Variants in MMP24 observed in about 807,000 individuals in gnomAD.
MMP24 encodes matrix metalloproteinase-24.
A neutral mutation model predicts 62.8 loss-of-function variants in MMP24; 25 were observed. The ratio of observed to expected loss-of-function variants is 0.40; its 90% CI spans 0.29 to 0.56. The LOEUF is 0.56. MMP24 is among the 20% of genes least tolerant of loss of function. The pLI is 0.50. For missense variants in MMP24, 634 were observed against 853.6 expected (o/e 0.74, Z 3.21); for synonymous variants, 319 against 350.5 (o/e 0.91, Z 1.00).
chr20:35,256,685 C>T (rs1014678927), intron 4 of MMP24, among the ~76,000 whole-genome samples: 2 of 144,516 alleles, frequency 1.4e-5, no homozygotes, highest in African/African-American at 5.2e-5. Flanking sequence ...TGCCACTGCA[C>T]TCCAGCCTGG....
At position 35,234,111 on chromosome 20, in the gene MMP24, C is replaced by T. The variant is rs1468955374; in HGVS notation, c.246+7127C>T. Among the ~76,000 whole-genome samples the T allele has an allele frequency of 2.6e-5, 4 of 152,072 alleles. No individual in the cohort carries two copies. In the South Asian group the frequency reaches 6.2e-4, roughly 24 times the overall value. ...GGTCACTAGACTCCAGTCACCCTGC[C>T]CTTCCCTCTCTTTTTCTAATATACA... On this transcript the variant is annotated intron_variant, in intron 1 of 8. Transcript: ENST00000246186.
In MMP24 at chr20:35,267,216, G is replaced by A. The variant is rs1191079969; in HGVS notation, c.991G>A (p.Glu331Lys). ...GIQKIYGPPA[E>K]PLEPTRPLPT... is the part of the protein sequence containing the mutation. ...GCTCCTCTCTCCAGGACCCCCAGCC[G>A]AGCCTCTGGAGCCCACAAGGCCACT... Residue 331 changes from glutamate to lysine, a missense_variant, in exon 6 of 9, where the codon GAG becomes AAG. Transcript: ENST00000246186. 8.8e-6 allele frequency: 14 copies of A among 1,594,868 alleles called. No individual in the cohort carries two copies. The highest frequency in any genetic ancestry group is 3.4e-5 in the South Asian group (3 of 87,732).
chr20:35,242,914 A>G (rs1003046734), intron 1 of MMP24, among the ~76,000 whole-genome samples: 2 of 152,222 alleles, frequency 1.3e-5, no homozygotes, highest in African/African-American at 2.4e-5. Context: ...ACGGTGGCTC[A>G]TGCCTGTAAT....
chr20:35,270,193 G>T (rs1416289257), intron 7 of MMP24, among the ~76,000 whole-genome samples: 1 of 152,236 alleles, frequency 6.6e-6, no homozygotes, highest in African/African-American at 2.4e-5. Flanking sequence ...AGAACCCAGA[G>T]GGAAGAGGTC....
chr20:35,261,404 G>T (rs960960516), intron 4 of MMP24, among the ~76,000 whole-genome samples: 1 of 152,160 alleles, frequency 6.6e-6, no homozygotes, highest in East Asian at 1.9e-4. Context: ...CACACAACCC[G>T]GTGAGGTAGG....
chr20:35,267,098 G>T lies in MMP24; in HGVS notation c.980-107G>T, dbSNP rs142308704. 3.2e-3 allele frequency: 2,850 copies of T among 896,380 alleles called. 39 individuals are homozygous for T. In the African/African-American group the frequency reaches 0.043, roughly 14 times the overall value. The allele number at this position is 896,380 out of a possible 1,614,324, so 55.5% of individuals were successfully genotyped here. A position where few individuals can be genotyped will look rare whatever the true frequency, so the allele number is the denominator to read the frequency against. Reference sequence around the variant, plus strand: ...TTAAACTGGGGAGAGGGAACAGGAGGCTGAACTGGGACAGACTTGTCTCAG... The same window carrying T: ...TTAAACTGGGGAGAGGGAACAGGAGTCTGAACTGGGACAGACTTGTCTCAG... On this transcript the variant is annotated intron_variant, in intron 5 of 8. Transcript: ENST00000246186.
Position 35,271,752 on chromosome 20 carries a change from C to T in MMP24, c.1517C>T (p.Thr506Met), listed in dbSNP as rs765652129. The change falls in exon 8 of 9, where the codon ACG (threonine) becomes ATG (methionine). Residue 506 changes from threonine to methionine, a missense_variant. Thr to Met is a moderately conservative substitution (Grantham distance 81, BLOSUM62 -1). Around this residue, in one of 3 missense-constraint regions of MMP24, gnomAD observed 399 missense variants for 530.8 expected, o/e 0.75. Coordinates refer to ENST00000246186, the MANE Select transcript of MMP24 (RefSeq NM_006690.4). The surrounding 1 kb of genome is among the most constrained non-coding windows in gnomAD (Gnocchi z 4.0). ...YWRYSEERRA[T>M]DPGYPKPITV... ...CGCTACAGCGAGGAGCGGCGGGCCA[C>T]GGACCCTGGCTACCCTAAGCCCATC... 7 of 1,597,678 alleles carry T rather than the reference C, an allele frequency of 4.4e-6. No homozygotes were observed. Among genetic ancestry groups the T allele is most frequent in the South Asian group, 1.1e-5 (1 of 88,848 alleles).
chr20:35,254,611 C>T lies in MMP24; in HGVS notation c.674C>T (p.Ala225Val). The part of the protein sequence containing the change: ...RKEADIMIFF[A>V]SGFHGDSSPF... ...GAGGCAGACATCATGATCTTTTTTG[C>T]TTCTGGTTTCCATGGCGACAGCTCC... Residue 225 changes from alanine (A) to valine (V), a missense_variant, in exon 4 of 9, where the codon GCT becomes GTT. Coordinates refer to ENST00000246186, the MANE Select transcript of MMP24 (RefSeq NM_006690.4). The T allele has an allele frequency of 6.2e-7, 1 of 1,614,128 alleles. No homozygotes were observed. The highest frequency in any genetic ancestry group is 8.5e-7 in the Non-Finnish European group (1 of 1,179,998).
Position 35,274,440 on chromosome 20 carries a change from T to A in MMP24, c.1769T>A (p.Met590Lys). Reference sequence around the variant, plus strand: ...CTGCCCCAGGACGACGTGGACATCATGGTGACCATCAACGATGTGCCGGGC... The same window carrying A: ...CTGCCCCAGGACGACGTGGACATCAAGGTGACCATCAACGATGTGCCGGGC... ...RRLPQDDVDI[M>K]VTINDVPGSV... The change falls in exon 9 of 9, where the codon ATG (methionine) becomes AAG (lysine). Residue 590 changes from methionine (M) to lysine (K), a missense_variant. This residue lies in a region of MMP24 where 399 missense variants were observed against 530.8 expected (regional missense o/e 0.75). Coordinates refer to ENST00000246186, the MANE Select transcript of MMP24 (RefSeq NM_006690.4). The surrounding 1 kb of genome is among the most constrained non-coding windows in gnomAD (Gnocchi z 5.1). 1 of 1,614,006 alleles carries A rather than the reference T, an allele frequency of 6.2e-7. No individual in the cohort carries two copies. Among genetic ancestry groups the A allele is most frequent in the Non-Finnish European group, 8.5e-7 (1 of 1,179,874 alleles).
In MMP24 at chr20:35,269,638, G is replaced by A; in HGVS notation, c.1195-122G>A. ...CCTCCCAGGGCTTTAAAAGTCAGAA[G>A]CAGCTAATGGACAGTCTCGGTGGAG... On this transcript the variant is annotated intron_variant, in intron 6 of 8. Transcript: ENST00000246186. The surrounding 1 kb of genome is among the most constrained non-coding windows in gnomAD (Gnocchi z 4.6). The A allele has an allele frequency of 8.3e-7, 1 of 1,208,320 alleles. No individual in the cohort carries two copies. Among genetic ancestry groups the A allele is most frequent in the Non-Finnish European group, 1.1e-6 (1 of 885,724 alleles). The allele number at this position is 1,208,320 out of a possible 1,614,324, so 74.8% of individuals were successfully genotyped here.
chr20:35,263,544 G>A (rs941823573), intron 4 of MMP24: 7 of 348,536 alleles, frequency 2.0e-5, no homozygotes, highest in African/African-American at 4.2e-5. Flanking sequence ...ATCCCTGCTC[G>A]ACCCTCCCAG....
At chr20:35,249,730 AGG>A in intron 2 of MMP24, among the ~76,000 whole-genome samples, 1 of 151,548 alleles carries the variant, frequency 6.6e-6, no homozygotes, top group South Asian at 2.1e-4. Context: ...CTGGGACTAC[AGG>A]GGCCCGCCAC....
chr20:35,233,922 C>T (rs2060449625), intron 1 of MMP24, among the ~76,000 whole-genome samples: 1 of 152,130 alleles, frequency 6.6e-6, no homozygotes, highest in Non-Finnish European at 1.5e-5. Context: ...GAAGCTGAGG[C>T]TACAGTGGAC....
chr20:35,271,915 G>A lies in MMP24; in HGVS notation c.1600+80G>A. ...ACCAGTGCCCACGGGCATACTCAGT[G>A]CCCATGGGCGTCCAGGTTTGAAAAA... On this transcript the variant is annotated intron_variant, in intron 8 of 8. Transcript: ENST00000246186. This position sits in a 1 kb window ranked among gnomAD's most constrained non-coding sequence, Gnocchi z 4.0. 1 of 1,446,836 alleles carries A rather than the reference G, an allele frequency of 6.9e-7. No homozygotes were observed. The highest frequency in any genetic ancestry group is 9.1e-7 in the Non-Finnish European group (1 of 1,093,854). 89.6% of individuals were successfully genotyped at this position (1,446,836 alleles called of 1,614,324 possible). A position where few individuals can be genotyped will look rare whatever the true frequency, so the allele number is the denominator to read the frequency against.
intron 5 of MMP24, among the ~76,000 whole-genome samples, chr20:35,265,031 G>C (rs564596097): frequency 1.3e-5 from 2 of 152,316 alleles, no homozygotes; most frequent in Admixed American, 1.3e-4. Flanking sequence ...GAGACCAGGT[G>C]GGGGCTGTGG....
In MMP24 at chr20:35,274,542, A is replaced by G. The variant is rs2060692792; in HGVS notation, c.1871A>G (p.Gln624Arg). Residue 624 changes from glutamine to arginine, a missense_variant, in exon 9 of 9, where the codon CAG (glutamine) becomes CGG (arginine). By Grantham distance (43) the Gln-to-Arg change is conservative (BLOSUM62 1). This residue lies in a region of MMP24 where 399 missense variants were observed against 530.8 expected (regional missense o/e 0.75). Transcript: ENST00000246186. This position sits in a 1 kb window ranked among gnomAD's most constrained non-coding sequence, Gnocchi z 5.1. ...CTGGTGCTGGTCTACACCATCTTCC[A>G]GTTCAAGAACAAGACAGGCCCTCAG... is the stretch of plus-strand genomic sequence containing the variant. ...CILVLVYTIF[Q>R]FKNKTGPQPV... 1 of 1,614,024 alleles carries G rather than the reference A, an allele frequency of 6.2e-7. No individual in the cohort carries two copies. The highest frequency in any genetic ancestry group is 8.5e-7 in the Non-Finnish European group (1 of 1,179,886).
At chr20:35,243,021 T>C (rs1316411572) in intron 1 of MMP24, among the ~76,000 whole-genome samples, 2 of 151,742 alleles carry the variant, frequency 1.3e-5, no homozygotes, top group Non-Finnish European at 2.9e-5. Context: ...CTACTAAAAA[T>C]ACAAAAATTA....
chr20:35,240,174 C>T (rs1043787767), intron 1 of MMP24, among the ~76,000 whole-genome samples: 1 of 152,136 alleles, frequency 6.6e-6, no homozygotes, highest in Non-Finnish European at 1.5e-5. Flanking sequence ...TGCTGTCTCC[C>T]GCTCTCTTCC....
At chr20:35,232,771 G>A (rs1054406969) in intron 1 of MMP24, among the ~76,000 whole-genome samples, 2 of 152,156 alleles carry the variant, frequency 1.3e-5, no homozygotes, top group African/African-American at 2.4e-5. Flanking sequence ...GAAGAGGCTG[G>A]AGAGGGAGAC....
Sources: allele counts gnomAD v4.1 joint callset (sites outside exome capture counted in the v4.1 genomes callset), GRCh38; gene constraint gnomAD v4.1.1; regional missense constraint gnomAD v4.1.1; non-coding constraint Gnocchi (gnomAD v3.1); transcripts MANE v1.5; gene names NCBI Gene and HGNC (gene_info 2026-07-23, HGNC 2026-07-21).